The following AKR1B1 variants were observed in gnomAD, a reference collection of about 807,000 sequenced individuals.
AKR1B1 encodes the protein aldo-keto reductase family 1 member B1.
Under a neutral mutation model 40.4 loss-of-function variants are expected in AKR1B1, and 22 were observed. The ratio of observed to expected loss-of-function variants is 0.54; its 90% CI spans 0.39 to 0.78. AKR1B1 has a LOEUF of 0.78. Ranked by LOEUF, AKR1B1 falls within the 30% of genes least tolerant of loss-of-function variation. AKR1B1 has a pLI of 0.00. For synonymous variants in AKR1B1, 157 were observed against 149.9 expected (o/e 1.05, Z -0.35); for missense variants, 357 against 396.7 (o/e 0.90, Z 0.85).
intron 1 of AKR1B1, among the ~76,000 whole-genome samples, chr7:134,457,660 C>T (rs903177087): frequency 3.9e-5 from 6 of 152,118 alleles, no homozygotes; most frequent in African/African-American, 1.4e-4. Flanking sequence ...GTTTTCTTCC[C>T]TTGTCTGTGT....
chr7:134,451,729 C>T lies in AKR1B1; in HGVS notation c.91G>A (p.Ala31Thr). The T allele has an allele frequency of 1.2e-6, 2 of 1,614,170 alleles. No homozygotes were observed. The highest frequency in any genetic ancestry group is 2.2e-5 in the South Asian group (2 of 91,070). The part of the protein sequence containing the change: ...WKSPPGQVTE[A>T]VKVAIDVGYR... ...CCGACGTCAATGGCCACCTTCACGGCCTCAGTCACCTGCCCTGGAGGGGAC... is the reference window on the plus strand; with the variant it reads ...CCGACGTCAATGGCCACCTTCACGGTCTCAGTCACCTGCCCTGGAGGGGAC... The change falls in exon 2 of 10, where the codon GCC becomes ACC. Residue 31 changes from alanine (A) to threonine (T), a missense_variant. Coordinates refer to ENST00000285930, the MANE Select transcript of AKR1B1 (RefSeq NM_001628.4).
At chr7:134,452,719 C>G (rs1207512865) in intron 1 of AKR1B1, among the ~76,000 whole-genome samples, 2 of 152,192 alleles carry the variant, frequency 1.3e-5, no homozygotes, top group African/African-American at 4.8e-5. Context: ...CTTTGGAGAG[C>G]TGGGGTAGAA....
In AKR1B1 at chr7:134,459,021, G is replaced by A. The variant is rs764251960; in HGVS notation, c.42C>T (p.Pro14=). ...RLLLNNGAKM[P]ILGLGTWKSP... is the part of the protein sequence containing the mutation. ...CCTTCCAGGTACCCAACCCCAGGAT[G>A]GGCATCTTGGCGCCGTTGTTGAGCA... The change falls in exon 1 of 10, where the codon CCC becomes CCT. Residue 14 remains proline (P), a synonymous_variant. Coordinates refer to ENST00000285930, the MANE Select transcript of AKR1B1 (RefSeq NM_001628.4). 1.9e-6 allele frequency: 3 copies of A among 1,608,728 alleles called. No individual in the cohort carries two copies. Among genetic ancestry groups the A allele is most frequent in the South Asian group, 1.1e-5 (1 of 89,626 alleles).
rs1376445662 is a variant in AKR1B1 at position 134,451,623 on chromosome 7, T to C, written c.197A>G (p.Gln66Arg). The change falls in exon 2 of 10, where the codon CAG becomes CGG. Residue 66 changes from glutamine (Q) to arginine (R), a missense_variant. Transcript: ENST00000285930. ...GVAIQEKLRE[Q>R]VVKREELFIV... ...GAAGAGCTCCTCACGCTTCACCACC[T>C]GCTCCCTGAGCTTCTCCTGAATGGC... 1.2e-6 allele frequency: 2 copies of C among 1,614,062 alleles called. No homozygotes were observed. The highest frequency in any genetic ancestry group is 1.7e-6 in the Non-Finnish European group (2 of 1,180,036).
upstream of AKR1B1, chr7:134,459,219 C>G: frequency 3.4e-6 from 3 of 880,534 alleles, no homozygotes; most frequent in Non-Finnish European, 1.8e-6. Context: ...GGTGCCGCGG[C>G]GGCCTTCCCC....
Position 134,446,087 on chromosome 7 carries a change from T to C in AKR1B1, c.826-767A>G, listed in dbSNP as rs190997134. ...TGATCACAGAAAAATGTGCAAAAGC[T>C]ATACAGTAAGATGCAAAAATAAAAT... is the stretch of plus-strand genomic sequence containing the variant. On this transcript the variant is annotated intron_variant, in intron 8 of 9. Transcript: ENST00000285930. Among the ~76,000 whole-genome samples the C allele has an allele frequency of 2.9e-4, 44 of 152,368 alleles. 1 individual carries two copies. In the South Asian group the frequency reaches 4.3e-3, roughly 15 times the overall value.
chr7:134,443,510 T>C lies in AKR1B1; in HGVS notation c.909-740A>G, dbSNP rs191998563. Among the ~76,000 whole-genome samples the C allele has an allele frequency of 7.2e-5, 11 of 152,182 alleles. No homozygotes were observed. In the East Asian group the frequency reaches 1.9e-3, roughly 27 times the overall value. On this transcript the variant is annotated intron_variant, in intron 9 of 9. Coordinates refer to ENST00000285930, the MANE Select transcript of AKR1B1 (RefSeq NM_001628.4). ...TCTGAGGACAGAGGGAGCCTCCTTG[T>C]ATCAGTGGGGGCTGAAGTGAGCCCA... is the stretch of plus-strand genomic sequence containing the variant.
At chr7:134,459,113 G>A, upstream of AKR1B1, 1 of 1,566,766 alleles carries the variant, frequency 6.4e-7, no homozygotes, top group Non-Finnish European at 8.7e-7. Context: ...CCTTGGCCGC[G>A]GCGCGTACCT....
At chr7:134,449,929 G>A in intron 3 of AKR1B1, 132 bp from the exon 4 acceptor site, 1 of 794,126 alleles carries the variant, frequency 1.3e-6, no homozygotes, top group Non-Finnish European at 2.2e-6. Context: ...GTGCCACTAT[G>A]AAAAGGAAAT....
At chr7:134,445,780 C>T (rs1216418124) in intron 8 of AKR1B1, among the ~76,000 whole-genome samples, 2 of 152,218 alleles carry the variant, frequency 1.3e-5, no homozygotes, top group African/African-American at 2.4e-5. Flanking sequence ...GGAAACTGAA[C>T]AACCACAGCC....
chr7:134,448,389 G>A lies in AKR1B1; in HGVS notation c.657C>T (p.Pro219=). 1 of 1,612,816 alleles carries A rather than the reference G, an allele frequency of 6.2e-7. No individual in the cohort carries two copies. Among genetic ancestry groups the A allele is most frequent in the Non-Finnish European group, 8.5e-7 (1 of 1,179,004 alleles). The change falls in exon 6 of 10, where the codon CCC becomes CCT. Residue 219 remains proline, a splice_region_variant and synonymous_variant. Coordinates refer to ENST00000285930, the MANE Select transcript of AKR1B1 (RefSeq NM_001628.4). ...AYSPLGSPDR[P]WAKPEDPSLL... ...GCATGAGCCTGTGGGAAGCTCACCA[G>A]GGCCTGTCAGGAGAGCCGAGGGGGC...
chr7:134,456,191 A>G (rs1806465652), intron 1 of AKR1B1, among the ~76,000 whole-genome samples: 2 of 151,854 alleles, frequency 1.3e-5, no homozygotes, highest in African/African-American at 4.8e-5. Context: ...CATACAAGGG[A>G]AAGGTTTTTT....
intron 8 of AKR1B1, among the ~76,000 whole-genome samples, chr7:134,446,482 T>C (rs1024171247): frequency 6.6e-6 from 1 of 152,246 alleles, no homozygotes; most frequent in Non-Finnish European, 1.5e-5. Context: ...GCACAGATCT[T>C]GGATAAAGAC....
chr7:134,458,671 G>A (rs1023305825), intron 1 of AKR1B1, among the ~76,000 whole-genome samples: 1 of 152,164 alleles, frequency 6.6e-6, no homozygotes, highest in Non-Finnish European at 1.5e-5. Context: ...TGTGCCGCTT[G>A]GGGCGCCCGC....
chr7:134,446,150 TCTTTC>T (rs1332091309), intron 8 of AKR1B1, among the ~76,000 whole-genome samples: 1 of 152,274 alleles, frequency 6.6e-6, no homozygotes, highest in Non-Finnish European at 1.5e-5. Context: ...ATTTATTTTT[TCTTTC>T]CTAATTCCTT....
intron 9 of AKR1B1, chr7:134,445,025 C>G: frequency 1.6e-6 from 1 of 638,642 alleles, no homozygotes; most frequent in Non-Finnish European, 2.8e-6. Flanking sequence ...TGCCCCAGGG[C>G]TGGAAGAAGA....
chr7:134,451,107 C>A (rs1806273189), intron 2 of AKR1B1: 2 of 656,446 alleles, frequency 3.0e-6, no homozygotes, highest in African/African-American at 1.8e-5. Context: ...CTTACAAGGA[C>A]CAGAGGACAC....
intron 7 of AKR1B1, 89 bp downstream of exon 7, chr7:134,447,890 AC>A (rs1806151822): frequency 8.7e-6 from 10 of 1,147,926 alleles, no homozygotes; most frequent in Non-Finnish European, 1.3e-5. Context: ...TGAGGGTGTA[AC>A]AGGCTCAGTC....
In AKR1B1 at chr7:134,448,476, A is replaced by G. The variant is rs1158844514; in HGVS notation, c.570T>C (p.Tyr190=). Residue 190 remains tyrosine, a synonymous_variant, in exon 6 of 10, where the codon TAT becomes TAC. Coordinates refer to ENST00000285930, the MANE Select transcript of AKR1B1 (RefSeq NM_001628.4). ...PAVNQIECHP[Y]LTQEKLIQYC... is the part of the protein sequence containing the mutation. Reference sequence around the variant, plus strand: ...ACTGGATTAACTTCTCCTGAGTGAGATATGGGTGGCACTCAATCTGCAAAT... The same window carrying G: ...ACTGGATTAACTTCTCCTGAGTGAGGTATGGGTGGCACTCAATCTGCAAAT... The G allele has an allele frequency of 6.2e-7, 1 of 1,614,034 alleles. No individual in the cohort carries two copies.
Sources: allele counts gnomAD v4.1 joint callset (sites outside exome capture counted in the v4.1 genomes callset), GRCh38; gene constraint gnomAD v4.1.1; transcripts MANE v1.5; gene names NCBI Gene and HGNC (gene_info 2026-07-23, HGNC 2026-07-21).